ARHGEF38: variants seen among roughly 807,000 people sequenced by gnomAD.
ARHGEF38 encodes the protein Rho guanine nucleotide exchange factor 38.
ARHGEF38 carries 79 observed loss-of-function variants against 79.9 expected under a neutral mutation model. That is an observed-to-expected ratio of 0.99 (90% CI 0.82 to 1.19). The LOEUF is 1.19. ARHGEF38 is among the 50% of genes most tolerant of loss of function. The probability of loss-of-function intolerance (pLI) is 0.00; values close to 1 mark genes in which losing one functional copy is unlikely to be tolerated. For synonymous variants in ARHGEF38, 366 were observed against 328.3 expected, an observed-to-expected ratio of 1.11 and a Z score of -1.24; for missense variants, 962 against 907.2, an observed-to-expected ratio of 1.06 and a Z score of -0.78.
intron 2 of ARHGEF38, among the ~76,000 whole-genome samples, chr4:105,601,816 A>G (rs1451690086): frequency 6.6e-6 from 1 of 152,176 alleles, no homozygotes; most frequent in Non-Finnish European, 1.5e-5. Flanking sequence ...AGGCATTGCC[A>G]GTGCTGCAGC....
chr4:105,567,939 C>A (rs1367165250), intron 1 of ARHGEF38, among the ~76,000 whole-genome samples: 1 of 135,198 alleles, frequency 7.4e-6, no homozygotes, highest in African/African-American at 2.7e-5. Context: ...CCCCTCCCCC[C>A]ACCCCACAAC....
chr4:105,622,392 T>A (rs1479074570), intron 3 of ARHGEF38, among the ~76,000 whole-genome samples: 4 of 152,168 alleles, frequency 2.6e-5, no homozygotes, highest in African/African-American at 9.6e-5. Flanking sequence ...GAAGCTAAAA[T>A]GAGAAGTACA....
At chr4:105,642,633 C>T (rs920492499) in intron 5 of ARHGEF38, among the ~76,000 whole-genome samples, 2 of 152,044 alleles carry the variant, frequency 1.3e-5, no homozygotes, top group African/African-American at 2.4e-5. Context: ...TGTACTCTAT[C>T]AAAATGAGGA....
chr4:105,607,122 A>G (rs1215719352), intron 2 of ARHGEF38, among the ~76,000 whole-genome samples: 3 of 152,106 alleles, frequency 2.0e-5, no homozygotes, highest in Admixed American at 2.0e-4. Context: ...TCCAGTGCTC[A>G]TTAAACAGAA....
At chr4:105,553,507 T>C (rs767182996) in intron 1 of ARHGEF38, among the ~76,000 whole-genome samples, 68 of 152,234 alleles carry the variant, frequency 4.5e-4, no homozygotes, top group Admixed American at 7.9e-4. Flanking sequence ...TAGGTGATTA[T>C]TTCCTTTGAG....
rs764250326 is a variant in ARHGEF38 at position 105,648,533 on chromosome 4, C to T, written c.875-16C>T. 2 of 1,491,432 alleles carry T rather than the reference C, an allele frequency of 1.3e-6. No homozygotes were observed. Among genetic ancestry groups the T allele is most frequent in the Non-Finnish European group, 8.9e-7 (1 of 1,127,644 alleles). 92.4% of individuals were successfully genotyped at this position (1,491,432 alleles called of 1,614,324 possible). ...CTGCATGTGTTCAGCTACGTTATTA[C>T]ATTCTTCCTTTTCAGTTCTAAAATA... On this transcript the variant is annotated splice_polypyrimidine_tract_variant and intron_variant, in intron 6 of 13. Coordinates refer to ENST00000420470, the MANE Select transcript of ARHGEF38 (RefSeq NM_001242729.2).
At chr4:105,582,142 G>A (rs1726824121) in intron 1 of ARHGEF38, among the ~76,000 whole-genome samples, 1 of 128,866 alleles carries the variant, frequency 7.8e-6, no homozygotes, top group African/African-American at 3.0e-5. Context: ...TCCAGCCTGG[G>A]CGACAGAGCT....
chr4:105,621,877 A>G (rs902171777), intron 3 of ARHGEF38, among the ~76,000 whole-genome samples: 4 of 152,204 alleles, frequency 2.6e-5, no homozygotes, highest in Admixed American at 1.3e-4. Flanking sequence ...GGGGACACCC[A>G]GATGCAACAG....
In ARHGEF38 at chr4:105,645,293, C is replaced by T; in HGVS notation, c.780C>T (p.Pro260=). ...GCGAACTTCGGAATTCCACCCCTCC[C>T]TCTCACCCAGATTACAGAGCACTGG... The part of the protein sequence containing the change: ...LLCELRNSTP[P]SHPDYRALDD... Residue 260 remains proline, a synonymous_variant, in exon 6 of 14, where the codon CCC becomes CCT. Transcript: ENST00000420470. 1 of 1,536,604 alleles carries T rather than the reference C, an allele frequency of 6.5e-7. No homozygotes were observed. The highest frequency in any genetic ancestry group is 8.7e-7 in the Non-Finnish European group (1 of 1,146,980).
At chr4:105,623,178 C>G (rs1243599003) in intron 3 of ARHGEF38, among the ~76,000 whole-genome samples, 1 of 152,174 alleles carries the variant, frequency 6.6e-6, no homozygotes. Flanking sequence ...CACCAGCACC[C>G]AGAACAGTGT....
rs564586908 is a variant in ARHGEF38, at chr4:105,679,229, T to C, written c.*1292T>C. 2.6e-5 allele frequency: 17 copies of C among 666,346 alleles called. No homozygotes were observed. The highest frequency in any genetic ancestry group is 4.6e-5 in the Non-Finnish European group (17 of 371,000). The allele number at this position is 666,346 out of a possible 1,614,324, so 41.3% of individuals were successfully genotyped here. A position where few individuals can be genotyped will look rare whatever the true frequency, so the allele number is the denominator to read the frequency against. ...CTCCTCTGTCTGGAATTAAAAGATG[T>C]TTCCATCATAATATTCTTTAATTTC... On this transcript the variant is annotated 3_prime_UTR_variant, in exon 14 of 14. Transcript: ENST00000420470.
intron 1 of ARHGEF38, among the ~76,000 whole-genome samples, chr4:105,561,029 C>A (rs1474842552): frequency 6.6e-6 from 1 of 152,148 alleles, no homozygotes; most frequent in African/African-American, 2.4e-5. Flanking sequence ...CTGCTAGGAG[C>A]TTAGGGTCAA....
chr4:105,607,728 A>G (rs934916964), intron 2 of ARHGEF38, among the ~76,000 whole-genome samples: 1 of 152,078 alleles, frequency 6.6e-6, no homozygotes, highest in Non-Finnish European at 1.5e-5. Flanking sequence ...AAGTGTATTA[A>G]TCTTCTTTGG....
intron 2 of ARHGEF38, among the ~76,000 whole-genome samples, chr4:105,591,854 T>C (rs1432025837): frequency 6.6e-6 from 1 of 152,200 alleles, no homozygotes; most frequent in Non-Finnish European, 1.5e-5. Flanking sequence ...GTAGAAGTAA[T>C]ATTGATGGTC....
intron 3 of ARHGEF38, among the ~76,000 whole-genome samples, chr4:105,616,842 C>T (rs191904414): frequency 1.3e-4 from 20 of 152,248 alleles, no homozygotes; most frequent in Admixed American, 4.6e-4. Context: ...AAAGACTGTG[C>T]TCTAAGCAAG....
chr4:105,679,283 C>T lies in ARHGEF38; in HGVS notation c.*1346C>T. Reference sequence around the variant, plus strand: ...TAATTTAGCTGGCACTGAGAGTATCCAGCCGGAATCATGCCACTTTGCCTG... The same window carrying T: ...TAATTTAGCTGGCACTGAGAGTATCTAGCCGGAATCATGCCACTTTGCCTG... On this transcript the variant is annotated 3_prime_UTR_variant, in exon 14 of 14. Transcript: ENST00000420470. The T allele has an allele frequency of 1.4e-6, 1 of 710,638 alleles. No homozygotes were observed. The highest frequency in any genetic ancestry group is 1.7e-5 in the South Asian group (1 of 58,182). 44.0% of individuals were successfully genotyped at this position (710,638 alleles called of 1,614,324 possible).
intron 3 of ARHGEF38, among the ~76,000 whole-genome samples, chr4:105,626,636 T>C (rs1728959706): frequency 6.6e-6 from 1 of 152,074 alleles, no homozygotes; most frequent in African/African-American, 2.4e-5. Flanking sequence ...TATAGAAGAC[T>C]TTCAGTTTGT....
At chr4:105,614,546 G>A (rs1281466048) in intron 3 of ARHGEF38, among the ~76,000 whole-genome samples, 1 of 152,100 alleles carries the variant, frequency 6.6e-6, no homozygotes, top group Non-Finnish European at 1.5e-5. Context: ...AGTTTAATGA[G>A]GAAAGCTGAT....
At chr4:105,631,643 A>G in intron 4 of ARHGEF38, 1 of 984,956 alleles carries the variant, frequency 1.0e-6, no homozygotes, top group Non-Finnish European at 1.2e-6. Context: ...GAAAAATATA[A>G]CAAAGTATGT....
Sources: gnomAD v4.1 joint callset for allele counts (sites outside exome capture counted in the v4.1 genomes callset) on GRCh38, gnomAD v4.1.1 for gene constraint, MANE v1.5 for transcripts, NCBI Gene and HGNC (gene_info 2026-07-23, HGNC 2026-07-21) for gene names.